The following CASP4 variants were observed in gnomAD, a reference collection of about 807,000 sequenced individuals.
CASP4 encodes the protein caspase 4.
In CASP4, 29 loss-of-function variants were observed where a neutral mutation model predicts 41.3. That is an observed-to-expected ratio of 0.70 (90% CI 0.52 to 0.96). The LOEUF (loss-of-function observed/expected upper bound fraction) is 0.96. Ranked by LOEUF, CASP4 falls within the 40% of genes least tolerant of loss-of-function variation. The pLI is 0.00. For synonymous variants in CASP4, 185 were observed against 158.4 expected (o/e 1.17, Z -1.26); for missense variants, 447 against 460.6 (o/e 0.97, Z 0.27).
intron 8 of CASP4, chr11:104,943,392 T>G (rs1860371693): frequency 5.7e-6 from 1 of 174,464 alleles, no homozygotes; most frequent in South Asian, 1.3e-4. Context: ...CTGTATTCTG[T>G]GCTGGAACAC....
chr11:104,960,338 T>C (rs985144639), intron 1 of CASP4, among the ~76,000 whole-genome samples: 2 of 152,158 alleles, frequency 1.3e-5, no homozygotes, highest in Non-Finnish European at 2.9e-5. Flanking sequence ...ATCCTTCAAG[T>C]ATCAGATTAG....
At chr11:104,951,690 A>C (rs1398714288) in intron 3 of CASP4, 4 of 594,704 alleles carry the variant, frequency 6.7e-6, no homozygotes, top group Non-Finnish European at 1.2e-5. Context: ...TTTTCTTTCA[A>C]CTCATGATAA....
intron 1 of CASP4, among the ~76,000 whole-genome samples, chr11:104,955,849 T>C (rs553919624): frequency 1.3e-5 from 2 of 152,264 alleles, no homozygotes; most frequent in Non-Finnish European, 2.9e-5. Context: ...CAATCAATGC[T>C]ACAAAGATAA....
chr11:104,943,909 T>C (rs1202445134), intron 8 of CASP4: 1 of 152,182 alleles, frequency 6.6e-6, no homozygotes, highest in Non-Finnish European at 1.5e-5. Flanking sequence ...AAAATATAAT[T>C]TTAAGTATGT....
chr11:104,959,900 T>G (rs1450508549), intron 1 of CASP4, among the ~76,000 whole-genome samples: 1 of 152,196 alleles, frequency 6.6e-6, no homozygotes, highest in Non-Finnish European at 1.5e-5. Context: ...CCAACATCCT[T>G]TCTTTCTTAA....
At position 104,947,097 on chromosome 11, in the gene CASP4, C is replaced by T. The variant is rs1860480651; in HGVS notation, c.1021G>A (p.Glu341Lys). ...GAGACACTTACCTTCCGAAATACTT[C>T]CTCTAGGTGGCAGCACCAAGAATAT... is the stretch of plus-strand genomic sequence containing the variant. ...QKYSWCCHLE[E>K]VFRKVQQSFE... is the part of the protein sequence containing the mutation. Residue 341 changes from glutamate (E) to lysine (K), a missense_variant, in exon 7 of 9, where the codon GAA becomes AAA. Physicochemically the swap from Glu to Lys is moderately conservative, Grantham distance 56. Coordinates refer to ENST00000444739, the MANE Select transcript of CASP4 (RefSeq NM_001225.4). 1 of 1,601,598 alleles carries T rather than the reference C, an allele frequency of 6.2e-7. No individual in the cohort carries two copies. The highest frequency in any genetic ancestry group is 1.1e-5 in the South Asian group (1 of 90,728).
chr11:104,956,454 T>C (rs75810063), intron 1 of CASP4: 4,969 of 163,110 alleles, frequency 0.03, 287 homozygotes, highest in African/African-American at 0.11. Context: ...TATTAACCTC[T>C]CTTATATGGA....
At position 104,955,638 on chromosome 11, in the gene CASP4, A is replaced by T. The variant is rs150138251; in HGVS notation, c.8-637T>A. 6.2e-4 allele frequency among the ~76,000 whole-genome samples: 95 copies of T among 152,260 alleles called. 1 individual carries two copies. The highest frequency in any genetic ancestry group is 2.2e-3 in the African/African-American group (91 of 41,564). On this transcript the variant is annotated intron_variant, in intron 1 of 8. Coordinates refer to ENST00000444739, the MANE Select transcript of CASP4 (RefSeq NM_001225.4). ...CAAATCTTGTTCTCAATGAAAATTTAAAATTGAAAGTAACCTGATTCCTAA... is the reference window on the plus strand; with the variant it reads ...CAAATCTTGTTCTCAATGAAAATTTTAAATTGAAAGTAACCTGATTCCTAA...
intron 7 of CASP4, among the ~76,000 whole-genome samples, chr11:104,946,434 C>A (rs1320672592): frequency 6.6e-6 from 1 of 152,184 alleles, no homozygotes; most frequent in East Asian, 1.9e-4. Flanking sequence ...AAAAACCAGA[C>A]ACATAAATAA....
intron 1 of CASP4, among the ~76,000 whole-genome samples, chr11:104,961,838 T>C (rs1056854478): frequency 6.6e-6 from 1 of 152,086 alleles, no homozygotes; most frequent in Non-Finnish European, 1.5e-5. Flanking sequence ...CTCTTCTTAT[T>C]TGGTTACATT....
chr11:104,968,428 G>T, intron 1 of CASP4, 91 bp downstream of exon 1: 1 of 1,160,234 alleles, frequency 8.6e-7, no homozygotes, highest in Non-Finnish European at 1.3e-6. Context: ...TGTGCTATCG[G>T]CTCACTTCCT....
At chr11:104,946,868 C>A (rs935961902) in intron 7 of CASP4, 1 of 412,150 alleles carries the variant, frequency 2.4e-6, no homozygotes, top group Non-Finnish European at 4.4e-6. Context: ...TAACATAAAG[C>A]TTATGGTTGA....
At chr11:104,962,240 G>A (rs187927506) in intron 1 of CASP4, among the ~76,000 whole-genome samples, 9 of 152,104 alleles carry the variant, frequency 5.9e-5, no homozygotes, top group South Asian at 2.1e-4. Context: ...AAGCCGTTCC[G>A]TTCTTCTGGA....
intron 1 of CASP4, among the ~76,000 whole-genome samples, chr11:104,956,198 C>A (rs1860733160): frequency 6.6e-6 from 1 of 151,988 alleles, no homozygotes; most frequent in Admixed American, 6.6e-5. Flanking sequence ...AAAGGTTTTA[C>A]AAATGTTAAT....
intron 4 of CASP4, among the ~76,000 whole-genome samples, chr11:104,950,055 T>C (rs1860569642): frequency 6.6e-6 from 1 of 152,168 alleles, no homozygotes; most frequent in Non-Finnish European, 1.5e-5. Context: ...ATCTCAATCT[T>C]CTATCTCCTT....
intron 2 of CASP4, among the ~76,000 whole-genome samples, chr11:104,953,705 CATT>C (rs1270500020): frequency 1.3e-5 from 2 of 152,056 alleles, no homozygotes; most frequent in Non-Finnish European, 2.9e-5. Flanking sequence ...CACTATTTAT[CATT>C]ATTGGTAATC....
intron 1 of CASP4, among the ~76,000 whole-genome samples, chr11:104,965,852 A>G (rs1860962831): frequency 6.6e-6 from 1 of 152,140 alleles, no homozygotes. Flanking sequence ...AGCACTTAAG[A>G]TATTTTTCAG....
Position 104,956,708 on chromosome 11 carries a change from A to C in CASP4, c.8-1707T>G, listed in dbSNP as rs562238135. 3 of 923,258 alleles carry C rather than the reference A, an allele frequency of 3.2e-6. No homozygotes were observed. In the African/African-American group the frequency reaches 5.3e-5, roughly 16 times the overall value. The allele number at this position is 923,258 out of a possible 1,614,324, so 57.2% of individuals were successfully genotyped here. On this transcript the variant is annotated intron_variant, in intron 1 of 8. Coordinates refer to ENST00000444739, the MANE Select transcript of CASP4 (RefSeq NM_001225.4). Reference sequence around the variant, plus strand: ...ATCACAAAGGCTTCTGAGAAGAGGTAGCAAAAATGTTAGTCTTGCAACATC... The same window carrying C: ...ATCACAAAGGCTTCTGAGAAGAGGTCGCAAAAATGTTAGTCTTGCAACATC...
At chr11:104,960,752 G>A (rs1207862598) in intron 1 of CASP4, among the ~76,000 whole-genome samples, 1 of 152,136 alleles carries the variant, frequency 6.6e-6, no homozygotes, top group Non-Finnish European at 1.5e-5. Context: ...TTGGATTACA[G>A]GCCTGAGCCA....
Sources: allele counts gnomAD v4.1 joint callset (sites outside exome capture counted in the v4.1 genomes callset), GRCh38; gene constraint gnomAD v4.1.1; transcripts MANE v1.5; gene names NCBI Gene and HGNC (gene_info 2026-07-23, HGNC 2026-07-21).